Variants in LCA5 observed in about 807,000 individuals in gnomAD.
The protein encoded by LCA5 is lebercilin.
A neutral mutation model predicts 53.0 loss-of-function variants in LCA5; 37 were observed. That is an observed-to-expected ratio of 0.70 (90% confidence interval 0.54 to 0.92). The LOEUF is 0.92. LCA5 is among the 40% of genes least tolerant of loss of function. The probability of loss-of-function intolerance (pLI) is 0.00; values close to 1 mark genes in which losing one functional copy is unlikely to be tolerated. For missense variants in LCA5, 806 were observed against 790.5 expected (o/e 1.02, Z -0.23); for synonymous variants, 303 against 282.9 (o/e 1.07, Z -0.71).
intron 1 of LCA5, among the ~76,000 whole-genome samples, chr6:79,519,340 A>G (rs527665779): frequency 6.6e-6 from 1 of 152,298 alleles, no homozygotes; most frequent in Non-Finnish European, 1.5e-5. Context: ...TGACTGTTTA[A>G]TTTTAAGAGT....
At chr6:79,489,472 C>T (rs1256806731) in intron 6 of LCA5, among the ~76,000 whole-genome samples, 1 of 152,000 alleles carries the variant, frequency 6.6e-6, no homozygotes, top group African/African-American at 2.4e-5. Context: ...AAAGCCAAAA[C>T]GGTACATAAA....
chr6:79,511,573 T>C (rs938110844), intron 3 of LCA5, among the ~76,000 whole-genome samples: 1 of 152,092 alleles, frequency 6.6e-6, no homozygotes, highest in African/African-American at 2.4e-5. Flanking sequence ...AATCTATACA[T>C]GTGATGAAAC....
intron 3 of LCA5, among the ~76,000 whole-genome samples, chr6:79,501,906 G>A (rs561232272): frequency 6.6e-6 from 1 of 151,666 alleles, no homozygotes; most frequent in Admixed American, 6.6e-5. Context: ...GAATACAGAT[G>A]TATAATATAT....
In LCA5 at chr6:79,486,210, G is replaced by C. The variant is rs1769648443; in HGVS notation, c.*794C>G. On this transcript the variant is annotated 3_prime_UTR_variant, in exon 8 of 8. Transcript: ENST00000369846. ...TTGGTATGTATTTCCACTATTCCTT[G>C]CATTTGGCATGAAATCTTACACCCA... is the stretch of plus-strand genomic sequence containing the variant. 6.6e-6 allele frequency: 1 copy of C among 152,042 alleles called. No individual in the cohort carries two copies. The highest frequency in any genetic ancestry group is 1.9e-4 in the East Asian group (1 of 5,186). The allele number at this position is 152,042 out of a possible 1,614,324, so 9.4% of individuals were successfully genotyped here. A position where few individuals can be genotyped will look rare whatever the true frequency, so the allele number is the denominator to read the frequency against.
rs1400248621 is a variant in LCA5 at position 79,513,204 on chromosome 6, A to T, written c.720+8T>A. ...AGAAAGTACAATTAGAAGCTGTAGA[A>T]ATTGTACCTTAATTCTTCTCTCGGT... On this transcript the variant is annotated splice_region_variant and intron_variant, in intron 3 of 7. Transcript: ENST00000369846. 6.2e-7 allele frequency: 1 copy of T among 1,611,384 alleles called. No homozygotes were observed.
Position 79,493,712 on chromosome 6 carries a change from G to A in LCA5, c.759C>T (p.Phe253=), listed in dbSNP as rs528612334. 105 of 1,613,466 alleles carry A rather than the reference G, an allele frequency of 6.5e-5. 1 individual carries two copies. The South Asian group carries it at 1.1e-3, about 17-fold the overall frequency. Residue 253 remains phenylalanine (F), a synonymous_variant, in exon 4 of 8, where the codon TTC becomes TTT. Coordinates refer to ENST00000369846, the MANE Select transcript of LCA5 (RefSeq NM_001122769.3). ...SKNLELSTNS[F]QRQLLAERKR... The stretch of plus-strand genomic sequence containing the variant: ...TCCTTTCAGCAAGCAACTGTCGTTG[G>A]AAACTGTTAGTACTCAGTTCAAGGT...
intron 3 of LCA5, among the ~76,000 whole-genome samples, chr6:79,505,033 C>T (rs916455058): frequency 2.0e-5 from 3 of 152,106 alleles, no homozygotes; most frequent in African/African-American, 2.4e-5. Flanking sequence ...GGGCTTGCAA[C>T]GCGTAGCCTA....
Position 79,486,706 on chromosome 6 carries a change from A to G in LCA5, c.*298T>C. The G allele has an allele frequency of 3.7e-6, 1 of 269,280 alleles. No homozygotes were observed. The highest frequency in any genetic ancestry group is 6.9e-6 in the Non-Finnish European group (1 of 144,368). The allele number at this position is 269,280 out of a possible 1,614,324, so 16.7% of individuals were successfully genotyped here. On this transcript the variant is annotated 3_prime_UTR_variant, in exon 8 of 8. Transcript: ENST00000369846. ...TAAATAGGAATAAAAGTAGAAAAGG[A>G]ATACCACCTCCAGTGCAGTTAAACT...
In LCA5 at chr6:79,485,716, A is replaced by G. The variant is rs1483536848; in HGVS notation, c.*1288T>C. The G allele has an allele frequency of 6.6e-6, 1 of 152,202 alleles. No homozygotes were observed. The highest frequency in any genetic ancestry group is 2.4e-5 in the African/African-American group (1 of 41,452). 9.4% of individuals were successfully genotyped at this position (152,202 alleles called of 1,614,324 possible). The stretch of plus-strand genomic sequence containing the variant: ...AGAAATCATACTACGAGCAAATGCT[A>G]GTAAATTCTTGAAAAAAACAGCTCA... On this transcript the variant is annotated 3_prime_UTR_variant, in exon 8 of 8. Coordinates refer to ENST00000369846, the MANE Select transcript of LCA5 (RefSeq NM_001122769.3).
chr6:79,533,719 T>C (rs1015224900), intron 1 of LCA5, among the ~76,000 whole-genome samples: 3 of 151,152 alleles, frequency 2.0e-5, no homozygotes, highest in African/African-American at 7.3e-5. Context: ...AGAAAACAAA[T>C]CTAAGCTGTA....
At chr6:79,494,933 T>A (rs1403634112) in intron 3 of LCA5, among the ~76,000 whole-genome samples, 4 of 152,210 alleles carry the variant, frequency 2.6e-5, no homozygotes, top group Non-Finnish European at 5.9e-5. Flanking sequence ...AATGAAAAGA[T>A]AAACCACAGA....
intron 2 of LCA5, 82 bp from the exon 3 acceptor site, chr6:79,513,823 G>A (rs1480138993): frequency 1.2e-5 from 15 of 1,261,418 alleles, no homozygotes; most frequent in East Asian, 9.3e-5. Flanking sequence ...AAGTGGGTCC[G>A]TAACATTCTT....
At chr6:79,521,250 T>C (rs1261916092) in intron 1 of LCA5, among the ~76,000 whole-genome samples, 3 of 152,220 alleles carry the variant, frequency 2.0e-5, no homozygotes, top group African/African-American at 2.4e-5. Flanking sequence ...CATTGGAAAT[T>C]ACGATTTTTA....
At chr6:79,528,103 T>C (rs1582655051) in intron 1 of LCA5, among the ~76,000 whole-genome samples, 1 of 152,236 alleles carries the variant, frequency 6.6e-6, no homozygotes, top group East Asian at 1.9e-4. Flanking sequence ...TGGTTCCATT[T>C]CCTCTAGGAT....
In LCA5 at chr6:79,491,632, T is replaced by C. The variant is rs371969825; in HGVS notation, c.1054A>G (p.Met352Val). 4 of 1,613,114 alleles carry C rather than the reference T, an allele frequency of 2.5e-6. No homozygotes were observed. In the African/African-American group the frequency reaches 4.0e-5, roughly 16 times the overall value. The change falls in exon 6 of 8, where the codon ATG becomes GTG. Residue 352 changes from methionine (M) to valine (V), a missense_variant. By Grantham distance (21) the Met-to-Val change is conservative (BLOSUM62 1). Coordinates refer to ENST00000369846, the MANE Select transcript of LCA5 (RefSeq NM_001122769.3). ...TCTTCCCATTTGTTTTCGTAACACA[T>C]AATTGTTTCTGGAGTTAAAGGATAT... ...EEYPLTPETI[M>V]CYENKWEEPG...
chr6:79,499,512 G>A (rs1406694106), intron 3 of LCA5, among the ~76,000 whole-genome samples: 3 of 151,568 alleles, frequency 2.0e-5, no homozygotes, highest in African/African-American at 7.3e-5. Flanking sequence ...ATATCAAGTA[G>A]GTACATGAAT....
chr6:79,518,629 A>G (rs1392693274), intron 2 of LCA5, 76 bp downstream of exon 2: 2 of 1,299,896 alleles, frequency 1.5e-6, no homozygotes, highest in South Asian at 1.2e-5. Context: ...ATAAAAGAGT[A>G]TCATGCACAC....
At chr6:79,528,836 T>A (rs1465186352) in intron 1 of LCA5, among the ~76,000 whole-genome samples, 1 of 152,104 alleles carries the variant, frequency 6.6e-6, no homozygotes, top group Non-Finnish European at 1.5e-5. Flanking sequence ...GACATAATAC[T>A]AGCAAAAAAG....
chr6:79,516,006 C>T (rs185360903), intron 2 of LCA5, among the ~76,000 whole-genome samples: 20 of 152,028 alleles, frequency 1.3e-4, no homozygotes, highest in Admixed American at 9.2e-4. Context: ...AATTGTGAAA[C>T]ACACACTGGA....
Sources: allele counts gnomAD v4.1 joint callset (sites outside exome capture counted in the v4.1 genomes callset), GRCh38; gene constraint gnomAD v4.1.1; transcripts MANE v1.5; gene names NCBI Gene and HGNC (gene_info 2026-07-23, HGNC 2026-07-21).